The following XAF1 variants were observed in gnomAD, a reference collection of about 807,000 sequenced individuals.
XAF1 encodes XIAP associated factor 1, also known as XIAP-associated factor 1.
A neutral mutation model predicts 32.3 loss-of-function variants in XAF1; 32 were observed. That is an observed-to-expected ratio of 0.99 (90% CI 0.75 to 1.33). XAF1 has a LOEUF of 1.33. Ranked by LOEUF, XAF1 falls within the 40% of genes most tolerant of loss-of-function variation. The pLI is 0.00. For missense variants in XAF1, 379 were observed against 366.0 expected (o/e 1.04, Z -0.29); for synonymous variants, 120 against 125.9 (o/e 0.95, Z 0.31).
At chr17:6,772,497 G>A (rs71370462) in intron 6 of XAF1, among the ~76,000 whole-genome samples, 3 of 114,940 alleles carry the variant, frequency 2.6e-5, no homozygotes, top group African/African-American at 1.0e-4. Context: ...TTGAGACAGA[G>A]TCTCGCTCTG....
At chr17:6,755,889 G>A (rs1481496055), upstream of XAF1, 3 of 1,415,376 alleles carry the variant, frequency 2.1e-6, no homozygotes, top group Non-Finnish European at 1.8e-6. Flanking sequence ...GCGACAGCAG[G>A]GGCTGGCCAT....
In XAF1 at chr17:6,762,337, A is replaced by AGCAT. The variant is rs1355142618; in HGVS notation, c.507+99_507+102dup. 7 of 995,438 alleles carry AGCAT rather than the reference A, an allele frequency of 7.0e-6. No homozygotes were observed. The African/African-American group carries it at 9.8e-5, about 14-fold the overall frequency. 61.7% of individuals were successfully genotyped at this position (995,438 alleles called of 1,614,324 possible). ...GCAGATTCTGGGCCCAATTTTACATAGCATGGATATTAAAGGGTCCCATAT... is the reference window on the plus strand; with the variant it reads ...GCAGATTCTGGGCCCAATTTTACATAGCATGCATGGATATTAAAGGGTCCCATAT... On this transcript the variant is annotated intron_variant, in intron 5 of 6. Coordinates refer to ENST00000361842, the MANE Select transcript of XAF1 (RefSeq NM_017523.5).
rs150438680 is a variant in XAF1 at position 6,762,898 on chromosome 17, T to G, written c.507+658T>G. On this transcript the variant is annotated intron_variant, in intron 5 of 6. Transcript: ENST00000361842. ...GAAAGTTGTTTACCTTTCTTAACACTTCAGTGCTTAAAACTACAGAATATC... is the reference window on the plus strand; with the variant it reads ...GAAAGTTGTTTACCTTTCTTAACACGTCAGTGCTTAAAACTACAGAATATC... Among the ~76,000 whole-genome samples, 1,493 of 152,340 alleles carry G rather than the reference T, an allele frequency of 9.8e-3. 13 individuals carry two copies. Among genetic ancestry groups the G allele is most frequent in the Non-Finnish European group, 0.015 (1,002 of 68,028 alleles).
intron 5 of XAF1, among the ~76,000 whole-genome samples, chr17:6,767,577 A>G (rs1466871731): frequency 6.6e-6 from 1 of 152,254 alleles, no homozygotes; most frequent in Non-Finnish European, 1.5e-5. Flanking sequence ...AGTATGTTAA[A>G]GCAAATCCAA....
At chr17:6,757,272 G>C (rs891649842) in intron 1 of XAF1, 3 of 152,322 alleles carry the variant, frequency 2.0e-5, no homozygotes, top group African/African-American at 4.8e-5. Flanking sequence ...CAAAGTGCTG[G>C]GATTACAGGC....
rs953875105 is a variant in XAF1 at position 6,774,611 on chromosome 17, T to G, written c.*1442T>G. 2.0e-5 allele frequency: 3 copies of G among 152,320 alleles called. No individual in the cohort carries two copies. Among genetic ancestry groups the G allele is most frequent in the Admixed American group, 1.3e-4 (2 of 15,308 alleles). The allele number at this position is 152,320 out of a possible 1,614,324, so 9.4% of individuals were successfully genotyped here. ...ATTACCATTTGACTCAGCAATCCCA[T>G]TATTGGTTATATACCCAAAGGAATC... On this transcript the variant is annotated 3_prime_UTR_variant, in exon 7 of 7. Coordinates refer to ENST00000361842, the MANE Select transcript of XAF1 (RefSeq NM_017523.5).
intron 1 of XAF1, among the ~76,000 whole-genome samples, chr17:6,756,959 G>A (rs2151522650): frequency 6.6e-6 from 1 of 151,760 alleles, no homozygotes. Flanking sequence ...AGAGCTGATG[G>A]AAATGAAAGG....
chr17:6,762,206 A>C lies in XAF1; in HGVS notation c.473A>C (p.Gln158Pro), dbSNP rs1567652664. 6.2e-7 allele frequency: 1 copy of C among 1,613,558 alleles called. No homozygotes were observed. The highest frequency in any genetic ancestry group is 1.7e-5 in the Admixed American group (1 of 59,958). The change falls in exon 5 of 7, where the codon CAA becomes CCA. Residue 158 changes from glutamine (Q) to proline (P), a missense_variant. By Grantham distance (76) the Gln-to-Pro change is moderately conservative. Coordinates refer to ENST00000361842, the MANE Select transcript of XAF1 (RefSeq NM_017523.5). Reference protein sequence around the residue: ...EREIYCHYCNQMIPENKYFHH... With the variant: ...EREIYCHYCNPMIPENKYFHH... The stretch of plus-strand genomic sequence containing the variant: ...GAAATCTACTGTCATTATTGCAACC[A>C]AATGATTCCAGAAAATAAGTATTTC...
intron 4 of XAF1, chr17:6,761,740 C>G (rs1975219395): frequency 4.3e-6 from 4 of 927,234 alleles, no homozygotes; most frequent in Non-Finnish European, 5.8e-6. Context: ...CACAACACAA[C>G]ACAACACAGC....
At position 6,773,245 on chromosome 17, in the gene XAF1, T is replaced by C; in HGVS notation, c.*76T>C. ...TGGCATTCCTGCCTACTTGCTGTGG[T>C]GGTCTTGTGAAAGGTGATGGGTTTT... On this transcript the variant is annotated 3_prime_UTR_variant, in exon 7 of 7. Transcript: ENST00000361842. 1.4e-6 allele frequency: 2 copies of C among 1,389,404 alleles called. No homozygotes were observed. Among genetic ancestry groups the C allele is most frequent in the Non-Finnish European group, 2.0e-6 (2 of 1,015,924 alleles). The allele number at this position is 1,389,404 out of a possible 1,614,324, so 86.1% of individuals were successfully genotyped here.
At chr17:6,760,920 T>C (rs4796551) in intron 4 of XAF1, among the ~76,000 whole-genome samples, 77,813 of 151,998 alleles carry the variant, frequency 0.51, 22,453 homozygotes, top group African/African-American at 0.8. Context: ...TTTGGGAGGC[T>C]GAGGCGGGCA....
chr17:6,756,297 G>C, intron 1 of XAF1, 187 bp downstream of exon 1: 1,210 of 1,219,310 alleles, frequency 9.9e-4, no homozygotes, highest in Non-Finnish European at 1.2e-3. Flanking sequence ...GTGGGGGTGG[G>C]CAGCATTACC....
intron 4 of XAF1, 175 bp from the exon 5 acceptor site, chr17:6,761,980 C>T (rs747760568): frequency 8.5e-6 from 13 of 1,532,068 alleles, no homozygotes; most frequent in African/African-American, 1.4e-5. Context: ...GTGGGTGATT[C>T]GGCCAAGAGT....
chr17:6,765,438 T>G (rs911022594), intron 5 of XAF1, among the ~76,000 whole-genome samples: 6 of 152,046 alleles, frequency 3.9e-5, no homozygotes, highest in African/African-American at 1.4e-4. Context: ...AAATAAAAAT[T>G]TAAAAATTTT....
chr17:6,759,482 T>C (rs1209192145), intron 2 of XAF1, 180 bp from the exon 3 acceptor site: 3 of 1,444,070 alleles, frequency 2.1e-6, no homozygotes, highest in African/African-American at 1.4e-5. Context: ...TGACAAACAC[T>C]TCTTGAACAC....
chr17:6,767,589 A>C (rs1036931251), intron 5 of XAF1, among the ~76,000 whole-genome samples: 1 of 152,208 alleles, frequency 6.6e-6, no homozygotes, highest in East Asian at 1.9e-4. Flanking sequence ...CAAATCCAAG[A>C]TATCCTGTTA....
chr17:6,768,359 A>G (rs1262831547), intron 5 of XAF1, among the ~76,000 whole-genome samples: 1 of 152,040 alleles, frequency 6.6e-6, no homozygotes, highest in East Asian at 1.9e-4. Flanking sequence ...CTGACCTCAC[A>G]TAATCTGCCC....
chr17:6,771,247 G>A (rs1214032668), intron 6 of XAF1: 1 of 383,966 alleles, frequency 2.6e-6, no homozygotes, highest in Non-Finnish European at 4.7e-6. Flanking sequence ...TGTGTCTCCA[G>A]CTTCTAGGCC....
chr17:6,764,377 C>T (rs1368958433), intron 5 of XAF1, among the ~76,000 whole-genome samples: 1 of 152,146 alleles, frequency 6.6e-6, no homozygotes, highest in African/African-American at 2.4e-5. Context: ...CACAAGGTCA[C>T]ACAAGTTTTT....
Sources: gnomAD v4.1 joint callset for allele counts (sites outside exome capture counted in the v4.1 genomes callset) on GRCh38, gnomAD v4.1.1 for gene constraint, MANE v1.5 for transcripts, NCBI Gene and HGNC (gene_info 2026-07-23, HGNC 2026-07-21) for gene names.